Variants in RIT2 observed in about 807,000 individuals in gnomAD.
The protein encoded by RIT2 is GTP-binding protein Rit2.
A neutral mutation model predicts 23.7 loss-of-function variants in RIT2; 24 were observed. The ratio of observed to expected loss-of-function variants is 1.01; its 90% CI spans 0.73 to 1.43. RIT2 has a LOEUF of 1.43. Among genes scored for constraint, RIT2 ranks in the 40% most tolerant of loss-of-function variants. The pLI, the probability that RIT2 is intolerant of heterozygous loss-of-function variation, is 0.00. For synonymous variants in RIT2, 107 were observed against 91.1 expected, an observed-to-expected ratio of 1.17 and a Z score of -0.99; for missense variants, 236 against 266.9, an observed-to-expected ratio of 0.88 and a Z score of 0.81.
intron 2 of RIT2, among the ~76,000 whole-genome samples, chr18:42,998,972 C>T (rs1911046868): frequency 6.6e-6 from 1 of 152,054 alleles, no homozygotes; most frequent in Non-Finnish European, 1.5e-5. Flanking sequence ...AATTTGAGGT[C>T]CAGTTCTACA....
At chr18:42,839,140 A>G (rs530250267) in intron 4 of RIT2, among the ~76,000 whole-genome samples, 1 of 152,258 alleles carries the variant, frequency 6.6e-6, no homozygotes, top group East Asian at 1.9e-4. Context: ...TCCCCATAAA[A>G]CAAATTAACA....
intron 4 of RIT2, among the ~76,000 whole-genome samples, chr18:42,843,319 G>A (rs561923538): frequency 1.4e-4 from 22 of 152,254 alleles, no homozygotes; most frequent in South Asian, 4.1e-4. Flanking sequence ...TATGTCAGCC[G>A]TTGAAAAATC....
At chr18:42,911,060 TA>T (rs202126735) in intron 4 of RIT2, among the ~76,000 whole-genome samples, 26 of 150,640 alleles carry the variant, frequency 1.7e-4, no homozygotes, top group Admixed American at 6.6e-4. Context: ...CTTTAACAAA[TA>T]AAAAAAAATC....
chr18:42,866,153 T>C (rs779803802), intron 4 of RIT2, among the ~76,000 whole-genome samples: 53 of 152,192 alleles, frequency 3.5e-4, no homozygotes, highest in Admixed American at 6.5e-4. Flanking sequence ...TTTGAAACAA[T>C]TGACATGAGA....
chr18:42,780,112 A>G (rs1316709196), intron 4 of RIT2, among the ~76,000 whole-genome samples: 1 of 122,844 alleles, frequency 8.1e-6, no homozygotes, highest in African/African-American at 3.0e-5. Context: ...CACAGCCTCA[A>G]GGGGTCCTGA....
At chr18:43,011,727 T>C (rs931580963) in intron 2 of RIT2, among the ~76,000 whole-genome samples, 3 of 151,788 alleles carry the variant, frequency 2.0e-5, no homozygotes, top group Non-Finnish European at 4.4e-5. Context: ...TCTACAGTTA[T>C]TTCAGGGTCA....
At chr18:43,027,836 G>A (rs775547561) in intron 2 of RIT2, among the ~76,000 whole-genome samples, 1 of 152,070 alleles carries the variant, frequency 6.6e-6, no homozygotes, top group Non-Finnish European at 1.5e-5. Flanking sequence ...TTTGGGTGGT[G>A]CTTAGCTTAC....
chr18:42,857,593 GGT>G (rs1258672161), intron 4 of RIT2, among the ~76,000 whole-genome samples: 1 of 152,136 alleles, frequency 6.6e-6, no homozygotes, highest in African/African-American at 2.4e-5. Flanking sequence ...TAATCCTGCT[GGT>G]GTCATTTACA....
At chr18:43,037,391 C>T (rs1209300953) in intron 1 of RIT2, among the ~76,000 whole-genome samples, 2 of 152,118 alleles carry the variant, frequency 1.3e-5, no homozygotes, top group Non-Finnish European at 2.9e-5. Context: ...GTTATAATCA[C>T]TGCATTAACT....
Position 42,771,514 on chromosome 18 carries a change from C to T in RIT2, c.427-27794G>A, listed in dbSNP as rs528586407. Among the ~76,000 whole-genome samples the T allele has an allele frequency of 1.8e-3, 273 of 152,222 alleles. 2 individuals carry two copies. Among genetic ancestry groups the T allele is most frequent in the Non-Finnish European group, 2.5e-3 (167 of 67,998 alleles). On this transcript the variant is annotated intron_variant, in intron 4 of 4. Transcript: ENST00000326695. ...AGGCAAACTATTTTACCTCTCTGAG[C>T]ATCAGTTTAGCTGTTTTTGTATTTT...
intron 4 of RIT2, among the ~76,000 whole-genome samples, chr18:42,881,012 G>A (rs370795851): frequency 7.2e-5 from 11 of 152,032 alleles, no homozygotes; most frequent in African/African-American, 2.4e-4. Flanking sequence ...CTCCATGTTG[G>A]TCAGACTTGT....
intron 2 of RIT2, among the ~76,000 whole-genome samples, chr18:43,010,948 A>C (rs952557457): frequency 1.3e-5 from 2 of 151,808 alleles, no homozygotes; most frequent in African/African-American, 4.8e-5. Context: ...AAGACATGGG[A>C]CCTAAATAGG....
intron 1 of RIT2, among the ~76,000 whole-genome samples, chr18:43,049,202 G>A (rs753006859): frequency 3.3e-5 from 5 of 152,128 alleles, no homozygotes; most frequent in Admixed American, 6.6e-5. Context: ...CAAAGACAGT[G>A]TGTAGTTCCC....
At chr18:43,095,855 C>T (rs955704680) in intron 1 of RIT2, among the ~76,000 whole-genome samples, 1 of 151,920 alleles carries the variant, frequency 6.6e-6, no homozygotes, top group Non-Finnish European at 1.5e-5. Flanking sequence ...AAAAAATCTA[C>T]TTTCTTCCTT....
intron 2 of RIT2, among the ~76,000 whole-genome samples, chr18:42,996,906 T>A (rs1284775432): frequency 6.6e-6 from 1 of 152,158 alleles, no homozygotes; most frequent in Non-Finnish European, 1.5e-5. Context: ...AAACTGTTTT[T>A]CCTAGACCTA....
intron 3 of RIT2, among the ~76,000 whole-genome samples, chr18:42,924,375 G>T (rs1300131814): frequency 6.6e-6 from 1 of 151,794 alleles, no homozygotes; most frequent in Admixed American, 6.6e-5. Flanking sequence ...TCATGAAGGT[G>T]CATAAACAGA....
chr18:42,768,873 C>T (rs1434841345), intron 4 of RIT2, among the ~76,000 whole-genome samples: 1 of 151,834 alleles, frequency 6.6e-6, no homozygotes, highest in Non-Finnish European at 1.5e-5. Flanking sequence ...AAAATGATAT[C>T]CCAACTTCCC....
chr18:42,938,328 G>C (rs1227895936), intron 3 of RIT2, among the ~76,000 whole-genome samples: 1 of 152,160 alleles, frequency 6.6e-6, no homozygotes, highest in Non-Finnish European at 1.5e-5. Flanking sequence ...CAATGAGACC[G>C]AACAAGTTCG....
chr18:42,820,888 T>A (rs1394346317), intron 4 of RIT2, among the ~76,000 whole-genome samples: 1 of 152,108 alleles, frequency 6.6e-6, no homozygotes, highest in African/African-American at 2.4e-5. Flanking sequence ...GGATGTAAGG[T>A]CAGGTGGGAA....
Sources: allele counts gnomAD v4.1 joint callset (sites outside exome capture counted in the v4.1 genomes callset), GRCh38; gene constraint gnomAD v4.1.1; transcripts MANE v1.5; gene names NCBI Gene and HGNC (gene_info 2026-07-23, HGNC 2026-07-21).